RERE: variants seen among roughly 807,000 people sequenced by gnomAD.
RERE encodes the protein arginine-glutamic acid dipeptide repeats protein.
RERE carries 40 observed loss-of-function variants against 146.1 expected under a neutral mutation model. That is an observed-to-expected ratio of 0.27 (90% CI 0.21 to 0.36). The LOEUF (loss-of-function observed/expected upper bound fraction) is 0.36. RERE is among the 10% of genes least tolerant of loss of function. The probability of loss-of-function intolerance (pLI) is 1.00; values close to 1 mark genes in which losing one functional copy is unlikely to be tolerated. For missense variants in RERE, 1,933 were observed against 2,138.7 expected (o/e 0.90, Z 1.90); for synonymous variants, 1,003 against 866.0 (o/e 1.16, Z -2.78).
chr1:8,619,224 C>T (rs1215336058), intron 3 of RERE, among the ~76,000 whole-genome samples: 1 of 152,176 alleles, frequency 6.6e-6, no homozygotes, highest in Admixed American at 6.5e-5. Context: ...GCGGCATTCT[C>T]ATCTATGTGG....
chr1:8,638,614 T>G (rs1647131750), intron 2 of RERE, among the ~76,000 whole-genome samples: 1 of 152,110 alleles, frequency 6.6e-6, no homozygotes, highest in Non-Finnish European at 1.5e-5. Context: ...ATAGCTTAAC[T>G]CCATATACGT....
At chr1:8,791,446 A>G (rs143902962) in intron 1 of RERE, among the ~76,000 whole-genome samples, 2 of 152,316 alleles carry the variant, frequency 1.3e-5, no homozygotes, top group East Asian at 3.9e-4. Flanking sequence ...GCCTAGCATT[A>G]TATCTTGCAA....
chr1:8,543,938 T>C (rs1645828865), intron 6 of RERE, among the ~76,000 whole-genome samples: 1 of 152,222 alleles, frequency 6.6e-6, no homozygotes, highest in Non-Finnish European at 1.5e-5. Context: ...ATTTAAACAT[T>C]TCACTTTTTT....
chr1:8,764,821 T>A (rs1161031225), intron 1 of RERE, among the ~76,000 whole-genome samples: 1 of 152,200 alleles, frequency 6.6e-6, no homozygotes, highest in South Asian at 2.1e-4. Context: ...CCCATCAGAA[T>A]GGCTACAATC....
chr1:8,580,788 C>A (rs1343635292), intron 4 of RERE, among the ~76,000 whole-genome samples: 1 of 151,680 alleles, frequency 6.6e-6, no homozygotes, highest in African/African-American at 2.4e-5. Context: ...TCTCGGCTCA[C>A]TGCAAGCTCC....
At chr1:8,633,798 G>A (rs758176709) in intron 2 of RERE, among the ~76,000 whole-genome samples, 30 of 151,606 alleles carry the variant, frequency 2.0e-4, no homozygotes, top group African/African-American at 5.8e-4. Flanking sequence ...GTGTGATGGC[G>A]TGCACCTGTG....
intron 12 of RERE, among the ~76,000 whole-genome samples, chr1:8,374,284 T>C (rs1042480311): frequency 7.2e-5 from 11 of 152,150 alleles, no homozygotes; most frequent in African/African-American, 1.9e-4. Flanking sequence ...AACTTGTAAA[T>C]AGGTGGGGCC....
At chr1:8,583,948 C>T (rs7537982) in intron 4 of RERE, among the ~76,000 whole-genome samples, 96,259 of 151,682 alleles carry the variant, frequency 0.63, 30,993 homozygotes, top group East Asian at 0.83. Flanking sequence ...AACACCCCTA[C>T]AGACAAGGAC....
chr1:8,375,833 G>T (rs1642226398), intron 12 of RERE, among the ~76,000 whole-genome samples: 1 of 151,934 alleles, frequency 6.6e-6, no homozygotes, highest in African/African-American at 2.4e-5. Context: ...TCCTCACTCA[G>T]CAGCTTTATT....
intron 1 of RERE, among the ~76,000 whole-genome samples, chr1:8,774,145 C>T (rs1214241565): frequency 6.6e-6 from 1 of 152,094 alleles, no homozygotes; most frequent in African/African-American, 2.4e-5. Flanking sequence ...GCCATTCATT[C>T]GAGGCATCCC....
intron 1 of RERE, among the ~76,000 whole-genome samples, chr1:8,727,498 GTTGT>G (rs762922317): frequency 1.1e-4 from 16 of 151,336 alleles, no homozygotes; most frequent in East Asian, 1.9e-4. Flanking sequence ...TTATTTTTTT[GTTGT>G]TTGTTTGTTT....
chr1:8,648,291 G>A (rs141379297), intron 2 of RERE, among the ~76,000 whole-genome samples: 3,933 of 152,246 alleles, frequency 0.026, 154 homozygotes, highest in African/African-American at 0.089. Flanking sequence ...CAGTGCAGTG[G>A]TGCAATCACT....
At chr1:8,463,071 G>GT (rs2124116228) in intron 11 of RERE, among the ~76,000 whole-genome samples, 1 of 152,302 alleles carries the variant, frequency 6.6e-6, no homozygotes, top group African/African-American at 2.4e-5. Context: ...CACAGCAGGT[G>GT]TTTTTTCACA....
At chr1:8,669,816 G>T (rs1242616895) in intron 1 of RERE, among the ~76,000 whole-genome samples, 1 of 152,164 alleles carries the variant, frequency 6.6e-6, no homozygotes, top group Non-Finnish European at 1.5e-5. Context: ...AAAGTAATTT[G>T]CAACCATGGC....
In RERE at chr1:8,817,183, C is replaced by A. The variant is rs1477280124; in HGVS notation, c.-168G>T. The stretch of plus-strand genomic sequence containing the variant: ...ACCTTCCCCTAAAGCGCTACACCAT[C>A]AATAGTGAGGTGTTCGCGGCCCAGC... On this transcript the variant is annotated 5_prime_UTR_variant, in exon 1 of 23. Transcript: ENST00000400908. The A allele has an allele frequency of 1.3e-5, 2 of 152,242 alleles. No homozygotes were observed. The highest frequency in any genetic ancestry group is 2.9e-5 in the Non-Finnish European group (2 of 68,068). The allele number at this position is 152,242 out of a possible 1,614,324, so 9.4% of individuals were successfully genotyped here. A position where few individuals can be genotyped will look rare whatever the true frequency, so the allele number is the denominator to read the frequency against.
intron 1 of RERE, among the ~76,000 whole-genome samples, chr1:8,747,487 AT>A (rs1485895987): frequency 6.6e-6 from 1 of 151,602 alleles, no homozygotes; most frequent in African/African-American, 2.4e-5. Flanking sequence ...AAACACCCTA[AT>A]TTTTTTTGCT....
Position 8,360,189 on chromosome 1 carries a change from G to A in RERE, c.3318C>T (p.Ser1106=), listed in dbSNP as rs1202583521. 5.0e-6 allele frequency: 8 copies of A among 1,596,622 alleles called. No individual in the cohort carries two copies. Among genetic ancestry groups the A allele is most frequent in the East Asian group, 4.5e-5 (2 of 44,330 alleles). The change falls in exon 18 of 23, where the codon AGC becomes AGT. Residue 1106 remains serine, a synonymous_variant. Transcript: ENST00000400908. ...EALDDAEEPE[S]PPPPPRSPSP... is the part of the protein sequence containing the mutation. ...ACGGGCTCCTTGGTGGGGGAGGGGG[G>A]CTCTCAGGCTCCTCAGCGTCGTCCA...
chr1:8,526,702 A>C (rs1645574995), intron 7 of RERE, among the ~76,000 whole-genome samples: 1 of 152,212 alleles, frequency 6.6e-6, no homozygotes, highest in Non-Finnish European at 1.5e-5. Context: ...TAGCCCAATC[A>C]AGTCTAGCTT....
chr1:8,497,222 A>G (rs1242098877), intron 9 of RERE, among the ~76,000 whole-genome samples, 183 bp downstream of exon 9: 1 of 152,222 alleles, frequency 6.6e-6, no homozygotes, highest in East Asian at 1.9e-4. Context: ...GAAAAAAATT[A>G]CTTCAAACTA....
Sources: gnomAD v4.1 joint callset for allele counts (sites outside exome capture counted in the v4.1 genomes callset) on GRCh38, gnomAD v4.1.1 for gene constraint, MANE v1.5 for transcripts, NCBI Gene and HGNC (gene_info 2026-07-23, HGNC 2026-07-21) for gene names.